Variants in PARVA observed in about 807,000 individuals in gnomAD.
PARVA encodes parvin alpha.
Under a neutral mutation model 52.6 loss-of-function variants are expected in PARVA, and 25 were observed. The observed-to-expected ratio is 0.48, with a 90% CI of 0.35 to 0.66. PARVA has a LOEUF of 0.66. Among genes scored for constraint, PARVA ranks in the 30% least tolerant of loss-of-function variants. The pLI is 0.01. For synonymous variants in PARVA, 185 were observed against 179.1 expected, an observed-to-expected ratio of 1.03 and a Z score of -0.26; for missense variants, 373 against 450.9, an observed-to-expected ratio of 0.83 and a Z score of 1.56.
At position 12,523,694 on chromosome 11, in the gene PARVA, G is replaced by A. The variant is rs914338562; in HGVS notation, c.1043-4155G>A. 1.6e-4 allele frequency among the ~76,000 whole-genome samples: 24 copies of A among 152,042 alleles called. 1 individual carries two copies. The highest frequency in any genetic ancestry group is 1.5e-3 in the Admixed American group (23 of 15,280). On this transcript the variant is annotated intron_variant, in intron 12 of 12. Transcript: ENST00000334956. ...TATCTCTAGAGCCACCTCTTCCTTG[G>A]CCCCAGGCTGTCAGACAGCCTCTGT...
intron 1 of PARVA, among the ~76,000 whole-genome samples, chr11:12,429,697 T>A (rs1427759870): frequency 6.6e-6 from 1 of 152,200 alleles, no homozygotes; most frequent in Non-Finnish European, 1.5e-5. Context: ...TAAACTATTT[T>A]TCATCTTTGT....
rs759652667 is a variant in PARVA, at chr11:12,532,615, C to A, written c.*4690C>A. Among the ~76,000 whole-genome samples the A allele has an allele frequency of 3.3e-5, 5 of 152,164 alleles. No individual in the cohort carries two copies. The highest frequency in any genetic ancestry group is 7.3e-5 in the Non-Finnish European group (5 of 68,044). ...GACGTTAGTTACAAATTGTGACTGT[C>A]GCGATGGAGAAGTACTAAAATCTAT... On this transcript the variant is annotated 3_prime_UTR_variant, in exon 13 of 13. Coordinates refer to ENST00000334956, the MANE Select transcript of PARVA (RefSeq NM_018222.5).
At chr11:12,377,565 A>C, upstream of PARVA, 1 of 1,491,284 alleles carries the variant, frequency 6.7e-7, no homozygotes, top group South Asian at 1.3e-5. Context: ...GGAAAGCCGC[A>C]GCCTCAGTCC....
At chr11:12,406,820 G>A (rs1173999340) in intron 1 of PARVA, among the ~76,000 whole-genome samples, 4 of 151,738 alleles carry the variant, frequency 2.6e-5, no homozygotes, top group African/African-American at 4.8e-5. Flanking sequence ...ACAGGCACCC[G>A]CCACCATGCC....
At chr11:12,494,535 A>C (rs1437149603) in intron 4 of PARVA, among the ~76,000 whole-genome samples, 1 of 152,320 alleles carries the variant, frequency 6.6e-6, no homozygotes, top group South Asian at 2.1e-4. Context: ...ACAAAACCCA[A>C]ATATTATAAC....
At chr11:12,497,156 G>C (rs993211503) in intron 5 of PARVA, among the ~76,000 whole-genome samples, 1 of 152,066 alleles carries the variant, frequency 6.6e-6, no homozygotes, top group African/African-American at 2.4e-5. Context: ...TAAATTATTA[G>C]TTTATAATAA....
At chr11:12,454,539 C>A (rs1194161800) in intron 1 of PARVA, among the ~76,000 whole-genome samples, 1 of 150,904 alleles carries the variant, frequency 6.6e-6, no homozygotes, top group Non-Finnish European at 1.5e-5. Flanking sequence ...TGTGTCACTT[C>A]TGCTTTACCC....
At chr11:12,400,205 A>G (rs1210353321) in intron 1 of PARVA, among the ~76,000 whole-genome samples, 1 of 152,212 alleles carries the variant, frequency 6.6e-6, no homozygotes, top group East Asian at 1.9e-4. Context: ...GTGCCTATTT[A>G]ACTATATTAT....
chr11:12,387,554 CGT>C (rs10642760), intron 1 of PARVA, among the ~76,000 whole-genome samples: 2 of 149,188 alleles, frequency 1.3e-5, no homozygotes, highest in African/African-American at 2.4e-5. Flanking sequence ...TATTTTTGAG[CGT>C]GTGTGTGTGT....
intron 1 of PARVA, among the ~76,000 whole-genome samples, chr11:12,418,665 C>T (rs1940104577): frequency 6.6e-6 from 1 of 152,108 alleles, no homozygotes; most frequent in African/African-American, 2.4e-5. Flanking sequence ...TTCTGCTCCC[C>T]ATTACCACCC....
intron 1 of PARVA, among the ~76,000 whole-genome samples, chr11:12,421,318 T>C (rs913149156): frequency 5.9e-5 from 9 of 152,282 alleles, no homozygotes; most frequent in Non-Finnish European, 1.3e-4. Flanking sequence ...GACTTTAGGT[T>C]GTGGGGCTCT....
At position 12,513,417 on chromosome 11, in the gene PARVA, G is replaced by A. The variant is rs1295994028; in HGVS notation, c.798+57G>A. 2.0e-6 allele frequency: 3 copies of A among 1,484,192 alleles called. No individual in the cohort carries two copies. In the African/African-American group the frequency reaches 4.1e-5, roughly 21 times the overall value. The allele number at this position is 1,484,192 out of a possible 1,614,324, so 91.9% of individuals were successfully genotyped here. On this transcript the variant is annotated intron_variant, in intron 9 of 12. Transcript: ENST00000334956. ...GAAGCGAGATGCAACAGAACATTGG[G>A]AAAACCCATCCCTGCAGCTTGCGAG...
At chr11:12,434,667 C>T (rs79976253) in intron 1 of PARVA, among the ~76,000 whole-genome samples, 1 of 152,162 alleles carries the variant, frequency 6.6e-6, no homozygotes. Flanking sequence ...GACTTGCTCT[C>T]AGCCTCTAGC....
In PARVA at chr11:12,474,164, T is replaced by A. The variant is rs538378861; in HGVS notation, c.297+181T>A. Among the ~76,000 whole-genome samples, 3 of 152,188 alleles carry A rather than the reference T, an allele frequency of 2.0e-5. No individual in the cohort carries two copies. The East Asian group carries it at 5.8e-4, about 29-fold the overall frequency. On this transcript the variant is annotated intron_variant, in intron 3 of 12. Coordinates refer to ENST00000334956, the MANE Select transcript of PARVA (RefSeq NM_018222.5). ...TCGAAAACGTAACCGATTGTTTAAG[T>A]GTGGGATGTGACAAATGCCCAGTGA...
At chr11:12,473,649 T>C (rs1344520179) in intron 1 of PARVA, 96 bp from the exon 2 acceptor site, 3 of 922,524 alleles carry the variant, frequency 3.3e-6, no homozygotes, top group Non-Finnish European at 5.2e-6. Flanking sequence ...TAGTGGGTTT[T>C]TTTCTCAATG....
intron 1 of PARVA, among the ~76,000 whole-genome samples, chr11:12,404,038 T>G (rs1211252771): frequency 6.6e-6 from 1 of 152,112 alleles, no homozygotes; most frequent in Non-Finnish European, 1.5e-5. Context: ...TCTAGGGATA[T>G]TTCAGCATTT....
intron 1 of PARVA, among the ~76,000 whole-genome samples, chr11:12,389,038 C>G (rs1397226092): frequency 6.6e-6 from 1 of 152,018 alleles, no homozygotes; most frequent in Non-Finnish European, 1.5e-5. Flanking sequence ...TAATCATTAT[C>G]AGAGGGATCT....
chr11:12,516,381 T>G (rs1941568286), intron 10 of PARVA, among the ~76,000 whole-genome samples: 1 of 152,200 alleles, frequency 6.6e-6, no homozygotes, highest in African/African-American at 2.4e-5. Flanking sequence ...TCTATGTCTT[T>G]GCTAGGCCAT....
chr11:12,391,344 T>C (rs545708342), intron 1 of PARVA, among the ~76,000 whole-genome samples: 2 of 152,318 alleles, frequency 1.3e-5, no homozygotes, highest in South Asian at 4.1e-4. Context: ...ATTGGCTAGA[T>C]GGCAATTGTC....
Sources: gnomAD v4.1 joint callset for allele counts (sites outside exome capture counted in the v4.1 genomes callset) on GRCh38, gnomAD v4.1.1 for gene constraint, MANE v1.5 for transcripts, NCBI Gene and HGNC (gene_info 2026-07-23, HGNC 2026-07-21) for gene names.